Variants in ST3GAL5 observed in about 807,000 individuals in gnomAD.
ST3GAL5 encodes ST3 beta-galactoside alpha-2,3-sialyltransferase 5, also known as lactosylceramide alpha-2,3-sialyltransferase.
Under a neutral mutation model 46.1 loss-of-function variants are expected in ST3GAL5, and 25 were observed. The observed-to-expected ratio is 0.54, with a 90% confidence interval of 0.40 to 0.76. The LOEUF (loss-of-function observed/expected upper bound fraction) is 0.76. ST3GAL5 is among the 30% of genes least tolerant of loss of function. The probability of loss-of-function intolerance (pLI) is 0.00; values close to 1 mark genes in which losing one functional copy is unlikely to be tolerated. For synonymous variants in ST3GAL5, 182 were observed against 192.7 expected (o/e 0.94, Z 0.46); for missense variants, 431 against 521.2 (o/e 0.83, Z 1.69).
At chr2:85,867,886 A>G (rs1321837156) in intron 1 of ST3GAL5, 3 of 569,828 alleles carry the variant, frequency 5.3e-6, no homozygotes, top group East Asian at 6.9e-5. Flanking sequence ...AGAAGTCAAC[A>G]TGGCAGATTA....
Position 85,844,706 on chromosome 2 carries a change from G to A in ST3GAL5, c.850-152C>T, listed in dbSNP as rs1355845934. ...TACTCCTATAGATTGCAAAAGCTAC[G>A]CAAATCCGGCACTCCAACTCAAAAA... On this transcript the variant is annotated intron_variant, in intron 5 of 6. Transcript: ENST00000638572. 21 of 991,870 alleles carry A rather than the reference G, an allele frequency of 2.1e-5. No individual in the cohort carries two copies. The East Asian group carries it at 2.3e-4, about 11-fold the overall frequency. The allele number at this position is 991,870 out of a possible 1,614,324, so 61.4% of individuals were successfully genotyped here.
intron 3 of ST3GAL5, chr2:85,856,582 T>C (rs926856206): frequency 1.3e-5 from 2 of 152,082 alleles, no homozygotes; most frequent in African/African-American, 4.8e-5. Context: ...CCCTTTTTTT[T>C]TTCTCAGTGT....
Position 85,863,497 on chromosome 2 carries a change from G to A in ST3GAL5, c.83-12C>T. ...CTCACTTGGCATTGCTGTGAAGAGA[G>A]GCGAAGAGGGCAGTGGGGAAAAAGA... is the stretch of plus-strand genomic sequence containing the variant. On this transcript the variant is annotated splice_polypyrimidine_tract_variant and intron_variant, in intron 1 of 6. Transcript: ENST00000638572. The A allele has an allele frequency of 6.2e-7, 1 of 1,614,134 alleles. No homozygotes were observed. The highest frequency in any genetic ancestry group is 1.3e-5 in the African/African-American group (1 of 75,042).
Position 85,844,467 on chromosome 2 carries a change from T to C in ST3GAL5, c.937A>G (p.Ile313Val), listed in dbSNP as rs760088625. 2 of 1,614,138 alleles carry C rather than the reference T, an allele frequency of 1.2e-6. No individual in the cohort carries two copies. The highest frequency in any genetic ancestry group is 2.7e-5 in the African/African-American group (2 of 74,946). The change falls in exon 6 of 7, where the codon ATC (isoleucine) becomes GTC (valine). Residue 313 changes from isoleucine (I) to valine (V), a missense_variant. Coordinates refer to ENST00000638572, the MANE Select transcript of ST3GAL5 (RefSeq NM_003896.4). Reference sequence around the variant, plus strand: ...ATGTCAAAGGCAGTCTCTTTGATGATAACTGGATTCAAAATCCTGAAATGT... The same window carrying C: ...ATGTCAAAGGCAGTCTCTTTGATGACAACTGGATTCAAAATCCTGAAATGT... ...PKHFRILNPV[I>V]IKETAFDILQ...
intron 3 of ST3GAL5, chr2:85,851,729 G>A (rs1176200311): frequency 1.8e-5 from 23 of 1,289,370 alleles, no homozygotes; most frequent in Non-Finnish European, 2.0e-5. Flanking sequence ...GAAGCAGTGT[G>A]ACTAGGCTGT....
chr2:85,874,433 C>G (rs1247685413), intron 1 of ST3GAL5, among the ~76,000 whole-genome samples: 1 of 152,116 alleles, frequency 6.6e-6, no homozygotes, highest in Non-Finnish European at 1.5e-5. Flanking sequence ...CTCTCCTCCT[C>G]ACTCCATGTC....
rs1459977174 is a variant in ST3GAL5, at chr2:85,838,453, G to C, written c.*1691C>G. 2 of 152,236 alleles carry C rather than the reference G, an allele frequency of 1.3e-5. No individual in the cohort carries two copies. Among genetic ancestry groups the C allele is most frequent in the African/African-American group, 4.8e-5 (2 of 41,452 alleles). 9.4% of individuals were successfully genotyped at this position (152,236 alleles called of 1,614,324 possible). ...GCACCACCTGAGCCACAAGGGAGCTGTGGACCATCTTCCAGAGTCTCAATT... is the reference window on the plus strand; with the variant it reads ...GCACCACCTGAGCCACAAGGGAGCTCTGGACCATCTTCCAGAGTCTCAATT... On this transcript the variant is annotated 3_prime_UTR_variant, in exon 7 of 7. Transcript: ENST00000638572.
chr2:85,871,181 T>A (rs1685885328), intron 1 of ST3GAL5, among the ~76,000 whole-genome samples: 1 of 152,014 alleles, frequency 6.6e-6, no homozygotes, highest in South Asian at 2.1e-4. Flanking sequence ...GAACTATAGG[T>A]GTGCACCACC....
chr2:85,865,146 GTTAA>G (rs1302157770), intron 1 of ST3GAL5, among the ~76,000 whole-genome samples: 1 of 152,140 alleles, frequency 6.6e-6, no homozygotes, highest in Non-Finnish European at 1.5e-5. Context: ...TTAAGGAATG[GTTAA>G]TTAAAGGCAA....
At chr2:85,845,137 T>G (rs1395912831) in intron 5 of ST3GAL5, 2 of 181,302 alleles carry the variant, frequency 1.1e-5, no homozygotes, top group Admixed American at 1.1e-4. Flanking sequence ...TGTCTATACA[T>G]GTGCATACAC....
chr2:85,857,128 C>T (rs1159712872), intron 3 of ST3GAL5, among the ~76,000 whole-genome samples: 3 of 149,086 alleles, frequency 2.0e-5, no homozygotes, highest in Non-Finnish European at 4.4e-5. Flanking sequence ...TGCTATAGTC[C>T]CAGCTACTCA....
At chr2:85,852,840 C>G (rs930165673) in intron 3 of ST3GAL5, 4 of 1,294,298 alleles carry the variant, frequency 3.1e-6, no homozygotes, top group South Asian at 1.2e-5. Context: ...CTCCCTAGGT[C>G]GAGGCTTCAG....
At chr2:85,858,867 T>C (rs1684431090) in intron 3 of ST3GAL5, among the ~76,000 whole-genome samples, 1 of 152,238 alleles carries the variant, frequency 6.6e-6, no homozygotes. Context: ...ATCCCTTCCA[T>C]GATTCCTCAG....
Position 85,861,207 on chromosome 2 carries a change from G to T in ST3GAL5, c.292C>A (p.His98Asn), listed in dbSNP as rs1216656096. The change falls in exon 3 of 7, where the codon CAT becomes AAT. Residue 98 changes from histidine to asparagine, a missense_variant. By Grantham distance (68) the His-to-Asn change is moderately conservative (BLOSUM62 1). Coordinates refer to ENST00000638572, the MANE Select transcript of ST3GAL5 (RefSeq NM_003896.4). ...TTTACATGGTCAGGGTCCACATAAT[G>T]CATTTTTTTCATGTCACATTCTTCA... ...TTEECDMKKM[H>N]YVDPDHVKRA... 1 of 1,611,448 alleles carries T rather than the reference G, an allele frequency of 6.2e-7. No individual in the cohort carries two copies.
chr2:85,867,934 A>C, intron 1 of ST3GAL5: 1 of 404,260 alleles, frequency 2.5e-6, no homozygotes, highest in African/African-American at 2.0e-5. Context: ...CCACAGTATA[A>C]GAGTTTGACT....
At chr2:85,857,229 C>T (rs113125705) in intron 3 of ST3GAL5, among the ~76,000 whole-genome samples, 2,675 of 150,812 alleles carry the variant, frequency 0.018, 78 homozygotes, top group African/African-American at 0.062. Context: ...TGGGTGACAG[C>T]GTGAGGCCCT....
intron 1 of ST3GAL5, among the ~76,000 whole-genome samples, chr2:85,865,360 A>G (rs143019092): frequency 6.6e-5 from 10 of 151,240 alleles, no homozygotes; most frequent in African/African-American, 2.4e-4. Context: ...CAGGCATTCA[A>G]GTTTTTTTTT....
intron 6 of ST3GAL5, among the ~76,000 whole-genome samples, chr2:85,842,762 CT>C (rs765907064): frequency 5.0e-3 from 701 of 139,988 alleles, no homozygotes; most frequent in Middle Eastern, 7.4e-3. Context: ...TGTTCTGTAT[CT>C]TTTTTTTTTT....
chr2:85,867,810 G>A, intron 1 of ST3GAL5: 1 of 649,202 alleles, frequency 1.5e-6, no homozygotes, highest in Non-Finnish European at 2.8e-6. Context: ...TTGACCTAAG[G>A]GCAAGATTTA....
Sources: gnomAD v4.1 joint callset for allele counts (sites outside exome capture counted in the v4.1 genomes callset) on GRCh38, gnomAD v4.1.1 for gene constraint, MANE v1.5 for transcripts, NCBI Gene and HGNC (gene_info 2026-07-23, HGNC 2026-07-21) for gene names.